Variants in TTC7B observed in about 807,000 individuals in gnomAD.
TTC7B encodes the protein tetratricopeptide repeat domain 7B, also known as tetratricopeptide repeat protein 7B.
A neutral mutation model predicts 106.8 loss-of-function variants in TTC7B; 28 were observed. The observed-to-expected ratio is 0.26, with a 90% CI of 0.19 to 0.36. TTC7B has a LOEUF of 0.36. Among genes scored for constraint, TTC7B ranks in the 10% least tolerant of loss-of-function variants. The pLI is 1.00. For missense variants in TTC7B, 862 were observed against 1,076.4 expected, an observed-to-expected ratio of 0.80 and a Z score of 2.79; for synonymous variants, 405 against 430.6, an observed-to-expected ratio of 0.94 and a Z score of 0.74.
At chr14:90,781,432 G>A (rs941411760) in intron 2 of TTC7B, among the ~76,000 whole-genome samples, 1 of 152,178 alleles carries the variant, frequency 6.6e-6, no homozygotes, top group Non-Finnish European at 1.5e-5. Context: ...TGGGTGAGTT[G>A]TATGGTATGT....
At chr14:90,606,309 G>A (rs939940418) in intron 17 of TTC7B, among the ~76,000 whole-genome samples, 48 of 152,120 alleles carry the variant, frequency 3.2e-4, no homozygotes, top group Non-Finnish European at 6.8e-4. Context: ...GAAAAAAGCC[G>A]GTATGGCTGC....
chr14:90,597,763 A>G (rs1443748910), intron 17 of TTC7B, among the ~76,000 whole-genome samples: 1 of 152,190 alleles, frequency 6.6e-6, no homozygotes, highest in Non-Finnish European at 1.5e-5. Context: ...ATTTTGACTT[A>G]TATAGGTAAA....
At chr14:90,783,870 G>A (rs1371431499) in intron 2 of TTC7B, among the ~76,000 whole-genome samples, 1 of 152,116 alleles carries the variant, frequency 6.6e-6, no homozygotes, top group Non-Finnish European at 1.5e-5. Context: ...CTGGGAGGTG[G>A]AGGTTGCAGT....
chr14:90,596,503 A>G (rs1286467), intron 17 of TTC7B, among the ~76,000 whole-genome samples: 36,794 of 152,124 alleles, frequency 0.24, 4,479 homozygotes, highest in African/African-American at 0.28. Context: ...AGGCACTGCA[A>G]TTGGCACTTT....
chr14:90,625,596 G>A (rs1884404232), intron 15 of TTC7B, among the ~76,000 whole-genome samples: 1 of 152,194 alleles, frequency 6.6e-6, no homozygotes, highest in Admixed American at 6.5e-5. Context: ...CGCCAGGTGA[G>A]CCTATGATGC....
chr14:90,604,241 G>A (rs1892547334), intron 17 of TTC7B, among the ~76,000 whole-genome samples: 1 of 152,198 alleles, frequency 6.6e-6, no homozygotes, highest in South Asian at 2.1e-4. Context: ...CTCATCAAAA[G>A]TCAATGTAAA....
intron 5 of TTC7B, among the ~76,000 whole-genome samples, 166 bp from the exon 6 acceptor site, chr14:90,695,744 A>G (rs1595291689): frequency 6.6e-6 from 1 of 152,186 alleles, no homozygotes; most frequent in African/African-American, 2.4e-5. Flanking sequence ...GAAACATTTG[A>G]CCTAAGATTG....
At chr14:90,618,120 G>T in intron 15 of TTC7B, 75 bp from the exon 16 acceptor site, 1 of 1,098,410 alleles carries the variant, frequency 9.1e-7, no homozygotes, top group Non-Finnish European at 1.4e-6. Flanking sequence ...GACAAGTGGT[G>T]GGCTTAGACC....
intron 14 of TTC7B, 30 bp from the exon 15 acceptor site, chr14:90,644,238 TAC>T: frequency 6.5e-7 from 1 of 1,531,556 alleles, no homozygotes; most frequent in Non-Finnish European, 8.7e-7. Flanking sequence ...AAAAAGGTTT[TAC>T]ATACACACAT....
At chr14:90,749,057 G>A (rs1418462825) in intron 3 of TTC7B, among the ~76,000 whole-genome samples, 2 of 152,150 alleles carry the variant, frequency 1.3e-5, no homozygotes, top group Non-Finnish European at 2.9e-5. Flanking sequence ...CAAAGGTGCT[G>A]CTTCACCGTA....
intron 6 of TTC7B, among the ~76,000 whole-genome samples, chr14:90,690,059 T>C (rs563403668): frequency 1.3e-5 from 2 of 152,358 alleles, no homozygotes; most frequent in Admixed American, 1.3e-4. Context: ...GCTGCAGATA[T>C]TAGCATCACT....
At chr14:90,543,068 C>G (rs879933428) in intron 19 of TTC7B, among the ~76,000 whole-genome samples, 4 of 152,152 alleles carry the variant, frequency 2.6e-5, no homozygotes, top group Non-Finnish European at 5.9e-5. Flanking sequence ...CTTTAATAAC[C>G]ATTGAGGTTA....
chr14:90,525,734 C>T lies in TTC7B; in HGVS notation c.*15634G>A, dbSNP rs974595145. 6.7e-6 allele frequency: 1 copy of T among 148,406 alleles called. No individual in the cohort carries two copies. The highest frequency in any genetic ancestry group is 1.5e-5 in the Non-Finnish European group (1 of 67,202). The allele number at this position is 148,406 out of a possible 1,614,324, so 9.2% of individuals were successfully genotyped here. A position where few individuals can be genotyped will look rare whatever the true frequency, so the allele number is the denominator to read the frequency against. On this transcript the variant is annotated 3_prime_UTR_variant, in exon 20 of 20. Coordinates refer to ENST00000328459, the MANE Select transcript of TTC7B (RefSeq NM_001010854.2). ...GACTAATATTTGGGTCGGTGGAGCC[C>T]GAATAATACAATAAGAATAAAACCC...
At chr14:90,552,058 T>C (rs1320867250) in intron 19 of TTC7B, among the ~76,000 whole-genome samples, 1 of 152,224 alleles carries the variant, frequency 6.6e-6, no homozygotes, top group Non-Finnish European at 1.5e-5. Flanking sequence ...AGTGTGTGTG[T>C]CTTGGCTAAT....
chr14:90,693,566 A>G (rs1377904197), intron 6 of TTC7B, among the ~76,000 whole-genome samples: 1 of 152,186 alleles, frequency 6.6e-6, no homozygotes, highest in African/African-American at 2.4e-5. Flanking sequence ...TAACAGGTGC[A>G]ATTCTCAGGT....
chr14:90,694,870 AATAT>A (rs1190050040), intron 6 of TTC7B, among the ~76,000 whole-genome samples: 1 of 109,018 alleles, frequency 9.2e-6, no homozygotes, highest in East Asian at 2.9e-4. Context: ...TATGTACATA[AATAT>A]ATGTCACATA....
intron 19 of TTC7B, among the ~76,000 whole-genome samples, chr14:90,552,790 G>C (rs1352478577): frequency 6.6e-6 from 1 of 152,186 alleles, no homozygotes; most frequent in Admixed American, 6.5e-5. Context: ...CTTTTCCCTT[G>C]GGCCTGGGGT....
chr14:90,787,498 A>T (rs1297657205), intron 1 of TTC7B, among the ~76,000 whole-genome samples: 1 of 152,220 alleles, frequency 6.6e-6, no homozygotes, highest in Admixed American at 6.5e-5. Context: ...GGGGACCTCA[A>T]CTGGGGTTGG....
At chr14:90,589,436 AT>A (rs765799908) in intron 18 of TTC7B, among the ~76,000 whole-genome samples, 12 of 152,218 alleles carry the variant, frequency 7.9e-5, no homozygotes, top group Non-Finnish European at 8.8e-5. Flanking sequence ...TCATCTCTAG[AT>A]TACTTAAAAT....
Sources: allele counts gnomAD v4.1 joint callset (sites outside exome capture counted in the v4.1 genomes callset), GRCh38; gene constraint gnomAD v4.1.1; transcripts MANE v1.5; gene names NCBI Gene and HGNC (gene_info 2026-07-23, HGNC 2026-07-21).